Variants in ASTN2 observed in about 807,000 individuals in gnomAD.
ASTN2 encodes the protein astrotactin 2.
ASTN2 carries 54 observed loss-of-function variants against 139.8 expected under a neutral mutation model. The ratio of observed to expected loss-of-function variants is 0.39; its 90% confidence interval spans 0.31 to 0.48. The LOEUF is 0.48. Ranked by LOEUF, ASTN2 falls within the 20% of genes least tolerant of loss-of-function variation. The pLI is 0.95. For missense variants in ASTN2, 1,565 were observed against 1,725.1 expected (o/e 0.91, Z 1.64); for synonymous variants, 756 against 719.5 (o/e 1.05, Z -0.81).
chr9:116,891,506 C>T (rs1011143865), intron 10 of ASTN2, among the ~76,000 whole-genome samples: 2 of 152,210 alleles, frequency 1.3e-5, no homozygotes, highest in African/African-American at 4.8e-5. Flanking sequence ...GCAGCAACTA[C>T]GTTACCCCCA....
intron 2 of ASTN2, among the ~76,000 whole-genome samples, chr9:117,234,577 C>T (rs1166921284): frequency 6.6e-6 from 1 of 152,186 alleles, no homozygotes; most frequent in African/African-American, 2.4e-5. Flanking sequence ...TGCTTTTGTA[C>T]ACTTTCCTTT....
chr9:116,861,214 T>TAC (rs60909208), intron 11 of ASTN2, among the ~76,000 whole-genome samples: 3,478 of 143,742 alleles, frequency 0.024, 117 homozygotes, highest in African/African-American at 0.04. Context: ...AAGCCCAAGC[T>TAC]ACACACACAC....
intron 20 of ASTN2, among the ~76,000 whole-genome samples, chr9:116,444,103 CTCTT>C (rs1489807136): frequency 1.5e-5 from 1 of 67,350 alleles, no homozygotes; most frequent in East Asian, 7.7e-4. Flanking sequence ...CACTATTACT[CTCTT>C]TATTTTATTT....
intron 20 of ASTN2, among the ~76,000 whole-genome samples, chr9:116,474,404 G>C (rs1848912956): frequency 6.6e-6 from 1 of 151,790 alleles, no homozygotes. Context: ...AAGTGGAATA[G>C]GGTTGTTGGT....
intron 11 of ASTN2, among the ~76,000 whole-genome samples, chr9:116,851,633 C>T (rs2296674): frequency 0.83 from 125,927 of 151,954 alleles, 52,314 homozygotes; most frequent in East Asian, 0.96. Flanking sequence ...CTCTATATGT[C>T]CTAAATATTC....
At chr9:116,868,848 C>T (rs1399564036) in intron 10 of ASTN2, among the ~76,000 whole-genome samples, 1 of 152,204 alleles carries the variant, frequency 6.6e-6, no homozygotes, top group Non-Finnish European at 1.5e-5. Flanking sequence ...TCCCCATCAT[C>T]ATATGGCCTT....
chr9:117,404,219 T>G (rs1830917932), intron 1 of ASTN2, among the ~76,000 whole-genome samples: 1 of 152,170 alleles, frequency 6.6e-6, no homozygotes, highest in Non-Finnish European at 1.5e-5. Context: ...CTATTATGTT[T>G]TCTTCATGTT....
chr9:117,160,038 A>T (rs2132899006), intron 3 of ASTN2, among the ~76,000 whole-genome samples: 1 of 152,154 alleles, frequency 6.6e-6, no homozygotes, highest in Non-Finnish European at 1.5e-5. Context: ...AGGATACTCC[A>T]CTATGAAAAT....
At chr9:117,016,283 G>T (rs1235937663) in intron 6 of ASTN2, among the ~76,000 whole-genome samples, 1 of 151,970 alleles carries the variant, frequency 6.6e-6, no homozygotes, top group Non-Finnish European at 1.5e-5. Flanking sequence ...ACCTCTTCTG[G>T]TCATGAGGGA....
intron 2 of ASTN2, among the ~76,000 whole-genome samples, chr9:117,244,310 A>T (rs996851940): frequency 6.6e-6 from 1 of 152,196 alleles, no homozygotes; most frequent in Non-Finnish European, 1.5e-5. Context: ...CATCTCAGTC[A>T]GGTGGCTATA....
chr9:117,160,571 CATATT>C (rs962572985), intron 3 of ASTN2, among the ~76,000 whole-genome samples: 8 of 152,046 alleles, frequency 5.3e-5, no homozygotes, highest in Non-Finnish European at 1.0e-4. Context: ...CTTCATTAAA[CATATT>C]ATATATTTAT....
At chr9:116,868,100 C>T (rs371985654) in intron 10 of ASTN2, among the ~76,000 whole-genome samples, 2 of 152,134 alleles carry the variant, frequency 1.3e-5, no homozygotes, top group Non-Finnish European at 2.9e-5. Context: ...ATCAGGATAC[C>T]AGTGTGAGAA....
chr9:116,990,646 A>G (rs1383942028), intron 7 of ASTN2, among the ~76,000 whole-genome samples: 1 of 151,976 alleles, frequency 6.6e-6, no homozygotes, highest in East Asian at 1.9e-4. Flanking sequence ...CCTTTGCACC[A>G]CTCTCAAACA....
intron 19 of ASTN2, among the ~76,000 whole-genome samples, chr9:116,603,309 C>A (rs1386464214): frequency 1.3e-5 from 2 of 152,096 alleles, no homozygotes; most frequent in African/African-American, 4.8e-5. Flanking sequence ...AGTGGGAGAT[C>A]TATAAACTGA....
intron 2 of ASTN2, among the ~76,000 whole-genome samples, chr9:117,289,399 G>A (rs1419160967): frequency 1.3e-5 from 2 of 152,198 alleles, no homozygotes; most frequent in Admixed American, 1.3e-4. Context: ...AACTCACTGA[G>A]CAAAAGGGAA....
intron 20 of ASTN2, among the ~76,000 whole-genome samples, chr9:116,443,698 G>C (rs1428804077): frequency 6.6e-6 from 1 of 152,094 alleles, no homozygotes; most frequent in African/African-American, 2.4e-5. Context: ...AGCCTTAGAG[G>C]CCAAGAACAG....
At chr9:117,070,078 T>C (rs1828071714) in intron 5 of ASTN2, among the ~76,000 whole-genome samples, 1 of 148,898 alleles carries the variant, frequency 6.7e-6, no homozygotes. Flanking sequence ...ATTTTGCTCG[T>C]TAGTTGATGC....
intron 10 of ASTN2, among the ~76,000 whole-genome samples, chr9:116,940,664 G>A (rs1423783812): frequency 6.6e-6 from 1 of 152,086 alleles, no homozygotes; most frequent in Non-Finnish European, 1.5e-5. Context: ...AAAACATAAA[G>A]TTTTAGTAAT....
At chr9:117,226,305 A>G (rs1832710603) in intron 2 of ASTN2, among the ~76,000 whole-genome samples, 1 of 152,132 alleles carries the variant, frequency 6.6e-6, no homozygotes, top group Admixed American at 6.6e-5. Flanking sequence ...CCAGCTATGG[A>G]ACCTTGGATA....
Sources: allele counts gnomAD v4.1 joint callset (sites outside exome capture counted in the v4.1 genomes callset), GRCh38; gene constraint gnomAD v4.1.1; transcripts MANE v1.5; gene names NCBI Gene and HGNC (gene_info 2026-07-23, HGNC 2026-07-21).